RTTN: variants seen among roughly 807,000 people sequenced by gnomAD.
The protein encoded by RTTN is rotatin.
Under a neutral mutation model 269.2 loss-of-function variants are expected in RTTN, and 182 were observed. That is an observed-to-expected ratio of 0.68 (90% confidence interval 0.60 to 0.76). The LOEUF is 0.76. RTTN is among the 30% of genes least tolerant of loss of function. The pLI, the probability that RTTN is intolerant of heterozygous loss-of-function variation, is 0.00. For missense variants in RTTN, 2,545 were observed against 2,608.6 expected (o/e 0.98, Z 0.53); for synonymous variants, 1,006 against 963.5 (o/e 1.04, Z -0.82).
chr18:70,011,453 G>T (rs1445186897), intron 46 of RTTN, among the ~76,000 whole-genome samples: 1 of 152,140 alleles, frequency 6.6e-6, no homozygotes, highest in African/African-American at 2.4e-5. Flanking sequence ...ATCAATAAAA[G>T]TAATCTATCA....
chr18:70,148,654 A>T (rs1281681025), intron 17 of RTTN, among the ~76,000 whole-genome samples: 1 of 152,302 alleles, frequency 6.6e-6, no homozygotes, highest in African/African-American at 2.4e-5. Context: ...ACTGAGCGGC[A>T]CTTAGTAGCA....
intron 23 of RTTN, 61 bp from the exon 24 acceptor site, chr18:70,128,607 A>T: frequency 1.4e-6 from 2 of 1,438,576 alleles, no homozygotes; most frequent in East Asian, 4.9e-5. Flanking sequence ...ACTCAAAAAG[A>T]TGAGCCACAA....
At chr18:70,026,481 T>C (rs1469746812) in intron 43 of RTTN, among the ~76,000 whole-genome samples, 1 of 152,154 alleles carries the variant, frequency 6.6e-6, no homozygotes, top group Admixed American at 6.5e-5. Context: ...AGTAATGTGA[T>C]GTGCCTGTTC....
intron 31 of RTTN, among the ~76,000 whole-genome samples, chr18:70,087,460 G>A (rs2058730589): frequency 6.6e-6 from 1 of 152,086 alleles, no homozygotes; most frequent in Non-Finnish European, 1.5e-5. Context: ...GGTGGACCCA[G>A]GAGCTGCTGT....
intron 27 of RTTN, among the ~76,000 whole-genome samples, chr18:70,110,764 TCAG>T (rs1402739682): frequency 1.3e-5 from 2 of 152,178 alleles, no homozygotes; most frequent in Non-Finnish European, 2.9e-5. Flanking sequence ...GTGGTCTGGC[TCAG>T]CAGGTCCCAC....
At chr18:70,032,212 T>C (rs1157932438) in intron 40 of RTTN, among the ~76,000 whole-genome samples, 1 of 152,168 alleles carries the variant, frequency 6.6e-6, no homozygotes, top group African/African-American at 2.4e-5. Flanking sequence ...GCCCATGAGA[T>C]GGGGCCAATC....
At chr18:70,098,132 T>A (rs530989870) in intron 28 of RTTN, among the ~76,000 whole-genome samples, 1 of 152,290 alleles carries the variant, frequency 6.6e-6, no homozygotes, top group South Asian at 2.1e-4. Context: ...ACGGGTAACG[T>A]GAATGTTTGT....
intron 17 of RTTN, among the ~76,000 whole-genome samples, chr18:70,148,567 CT>C (rs2060455275): frequency 6.6e-6 from 1 of 152,170 alleles, no homozygotes. Flanking sequence ...CTAACAATTT[CT>C]AAAGAGAAGA....
At chr18:70,053,918 A>G (rs929776201) in intron 38 of RTTN, among the ~76,000 whole-genome samples, 7 of 152,234 alleles carry the variant, frequency 4.6e-5, no homozygotes, top group Admixed American at 4.6e-4. Flanking sequence ...ATTTAAACTG[A>G]AAACTCAAGG....
intron 48 of RTTN, among the ~76,000 whole-genome samples, chr18:70,004,625 A>C (rs2056124595): frequency 6.6e-6 from 1 of 152,208 alleles, no homozygotes; most frequent in Non-Finnish European, 1.5e-5. Context: ...CTTAAAAAAA[A>C]AAATCAGACT....
chr18:70,108,236 C>G (rs2059373109), intron 28 of RTTN, among the ~76,000 whole-genome samples: 1 of 151,738 alleles, frequency 6.6e-6, no homozygotes, highest in Non-Finnish European at 1.5e-5. Flanking sequence ...GAGATCATGC[C>G]ATTGCACTCC....
chr18:70,140,981 TAAAA>T (rs879642394), intron 19 of RTTN, among the ~76,000 whole-genome samples: 2 of 149,270 alleles, frequency 1.3e-5, no homozygotes, highest in Non-Finnish European at 3.0e-5. Flanking sequence ...AGCTGCTACT[TAAAA>T]AAAAAAATTT....
chr18:70,134,724 T>C (rs1045145982), intron 22 of RTTN, among the ~76,000 whole-genome samples, 183 bp from the exon 23 acceptor site: 1 of 152,136 alleles, frequency 6.6e-6, no homozygotes, highest in Non-Finnish European at 1.5e-5. Context: ...GAGTAAATTA[T>C]GTTTTAAAAA....
At chr18:70,101,980 G>T (rs1320896826) in intron 28 of RTTN, among the ~76,000 whole-genome samples, 1 of 152,192 alleles carries the variant, frequency 6.6e-6, no homozygotes, top group Non-Finnish European at 1.5e-5. Flanking sequence ...ATTTGCTGAG[G>T]AGTGCTTTAA....
At chr18:70,050,625 T>C (rs1177842305) in intron 39 of RTTN, among the ~76,000 whole-genome samples, 1 of 152,170 alleles carries the variant, frequency 6.6e-6, no homozygotes, top group Non-Finnish European at 1.5e-5. Flanking sequence ...AATGCACACA[T>C]ATGTTTACTG....
At chr18:70,027,348 T>C (rs1356771442) in intron 43 of RTTN, among the ~76,000 whole-genome samples, 1 of 152,216 alleles carries the variant, frequency 6.6e-6, no homozygotes, top group East Asian at 1.9e-4. Context: ...TAACAATCCC[T>C]ACCTCCATAA....
At position 70,127,513 on chromosome 18, in the gene RTTN, G is replaced by A. The variant is rs763915858; in HGVS notation, c.3372C>T (p.Thr1124=). ...GACCTTACACTGACCTGTTTAGTGC[G>A]GTGTGCCAAGCCAAGGACTTCAAGG... The part of the protein sequence containing the change: ...GVTLKSLAWH[T]ALNRFLQVLP... The change falls in exon 25 of 49, where the codon ACC becomes ACT. Residue 1124 remains threonine, a synonymous_variant. Transcript: ENST00000640769. 20 of 1,613,162 alleles carry A rather than the reference G, an allele frequency of 1.2e-5. No homozygotes were observed. The highest frequency in any genetic ancestry group is 1.7e-4 in the Middle Eastern group (1 of 6,054).
intron 40 of RTTN, among the ~76,000 whole-genome samples, chr18:70,041,675 C>T (rs904194372): frequency 1.3e-5 from 2 of 152,150 alleles, no homozygotes; most frequent in Non-Finnish European, 2.9e-5. Flanking sequence ...TGCAAAATCC[C>T]GGATGCTTAG....
intron 14 of RTTN, among the ~76,000 whole-genome samples, chr18:70,156,145 G>A (rs1008248466): frequency 4.6e-5 from 7 of 152,168 alleles, no homozygotes; most frequent in South Asian, 4.1e-4. Flanking sequence ...CCGGTGAGCC[G>A]GGTGGAACAG....
Sources: allele counts gnomAD v4.1 joint callset (sites outside exome capture counted in the v4.1 genomes callset), GRCh38; gene constraint gnomAD v4.1.1; transcripts MANE v1.5; gene names NCBI Gene and HGNC (gene_info 2026-07-23, HGNC 2026-07-21).